LRP1: variants seen among roughly 807,000 people sequenced by gnomAD.
LRP1 encodes LDL receptor related protein 1, also known as prolow-density lipoprotein receptor-related protein 1.
Under a neutral mutation model 541.5 loss-of-function variants are expected in LRP1, and 51 were observed. That is an observed-to-expected ratio of 0.09 (90% CI 0.08 to 0.12). The LOEUF is 0.12. Among genes scored for constraint, LRP1 ranks in the 10% least tolerant of loss-of-function variants. The pLI, the probability that LRP1 is intolerant of heterozygous loss-of-function variation, is 1.00. For synonymous variants in LRP1, 2,219 were observed against 2,470.8 expected, an observed-to-expected ratio of 0.90 and a Z score of 3.02; for missense variants, 3,878 against 6,376.2, an observed-to-expected ratio of 0.61 and a Z score of 13.34.
At position 57,156,302 on chromosome 12, in the gene LRP1, C is replaced by A; in HGVS notation, c.1417+19C>A. On this transcript the variant is annotated intron_variant, in intron 9 of 88. Transcript: ENST00000243077. The surrounding 1 kb of genome is among the most constrained non-coding windows in gnomAD (Gnocchi z 5.2). ...CCCCGAGGTGAGCAGGGCTCCATGG[C>A]CCCTCCAAAGCTGGCTTTACCCCAT... 1 of 1,612,110 alleles carries A rather than the reference C, an allele frequency of 6.2e-7. No homozygotes were observed. The highest frequency in any genetic ancestry group is 8.5e-7 in the Non-Finnish European group (1 of 1,178,990).
In LRP1 at chr12:57,196,104, T is replaced by C. The variant is rs777954634; in HGVS notation, c.8719T>C (p.Ser2907Pro). The C allele has an allele frequency of 5.0e-6, 8 of 1,605,840 alleles. No individual in the cohort carries two copies. The Admixed American group carries it at 1.0e-4, about 20-fold the overall frequency. The change falls in exon 55 of 89, where the codon TCG becomes CCG. Residue 2907 changes from serine to proline, a missense_variant. Transcript: ENST00000243077. ...CTSQEHKCNA[S>P]SQFLCSSGRC... ...CTCCGCAGAGCACAAGTGCAATGCC[T>C]CGTCACAGTTCCTGTGCAGCAGTGG...
At position 57,173,697 on chromosome 12, in the gene LRP1, G is replaced by T; in HGVS notation, c.3347-83G>T. The T allele has an allele frequency of 6.9e-7, 1 of 1,459,334 alleles. No homozygotes were observed. The highest frequency in any genetic ancestry group is 1.2e-5 in the South Asian group (1 of 86,904). 90.4% of individuals were successfully genotyped at this position (1,459,334 alleles called of 1,614,324 possible). On this transcript the variant is annotated intron_variant, in intron 21 of 88. Transcript: ENST00000243077. This position sits in a 1 kb window ranked among gnomAD's most constrained non-coding sequence, Gnocchi z 4.7. ...CAGCGTTGCAATCCTGACCCTATTA[G>T]AGAAGCCCACAGGGTCTGGAAGGAA... is the stretch of plus-strand genomic sequence containing the variant.
rs2035719062 is a variant in LRP1 at position 57,160,980 on chromosome 12, A to C, written c.2067A>C (p.Arg689=). 6.2e-7 allele frequency: 1 copy of C among 1,613,850 alleles called. No individual in the cohort carries two copies. The highest frequency in any genetic ancestry group is 1.1e-5 in the South Asian group (1 of 91,082). ...LERAWMDGSH[R]DIFVTSKTVL... ...GGGCGTGGATGGATGGCTCACACCG[A>C]GACATCTTTGTCACCTCCAAGACAG... is the stretch of plus-strand genomic sequence containing the variant. Residue 689 remains arginine, a synonymous_variant, in exon 13 of 89, where the codon CGA becomes CGC. Coordinates refer to ENST00000243077, the MANE Select transcript of LRP1 (RefSeq NM_002332.3).
chr12:57,184,679 T>A lies in LRP1; in HGVS notation c.6187-160T>A, dbSNP rs765465773. ...GGAGAGATGCCTGGAGGTCACCTTA[T>A]CAGCAGGGCAGTGGGCAGGAGTGTA... On this transcript the variant is annotated intron_variant, in intron 38 of 88. Transcript: ENST00000243077. The surrounding 1 kb of genome is among the most constrained non-coding windows in gnomAD (Gnocchi z 7.8). 3.3e-5 allele frequency among the ~76,000 whole-genome samples: 5 copies of A among 151,810 alleles called. No individual in the cohort carries two copies. Among genetic ancestry groups the A allele is most frequent in the Non-Finnish European group, 7.4e-5 (5 of 67,938 alleles).
At chr12:57,161,942 A>G (rs958481794) in intron 13 of LRP1, among the ~76,000 whole-genome samples, 1 of 152,120 alleles carries the variant, frequency 6.6e-6, no homozygotes, top group African/African-American at 2.4e-5. Flanking sequence ...GAAGAAATGA[A>G]TGGATGAATA....
chr12:57,150,054 T>C, intron 6 of LRP1: 1 of 387,512 alleles, frequency 2.6e-6, no homozygotes, highest in Non-Finnish European at 4.7e-6. Flanking sequence ...GTTCAATGGA[T>C]CAATACATGT....
intron 44 of LRP1, among the ~76,000 whole-genome samples, chr12:57,191,861 T>TCACATGCACACACACATAC (rs1471321406): frequency 2.3e-4 from 2 of 8,632 alleles, no homozygotes; most frequent in South Asian, 4.0e-3. Flanking sequence ...ACACACCACA[T>TCACATGCACACACACATAC]ACACACCACA....
At chr12:57,134,704 TTTC>T (rs2035117469) in intron 1 of LRP1, among the ~76,000 whole-genome samples, 1 of 151,780 alleles carries the variant, frequency 6.6e-6, no homozygotes, top group Non-Finnish European at 1.5e-5. Context: ...CCTTTCTTTC[TTTC>T]TTTTTTTTTT....
In LRP1 at chr12:57,179,904, G is replaced by C; in HGVS notation, c.5089G>C (p.Val1697Leu). ...GCTGGATGGCTCCTTCAAGAACGCAGTGGTGCAGGGCCTGGAGCAGCCCCA... is the reference window on the plus strand; with the variant it reads ...GCTGGATGGCTCCTTCAAGAACGCACTGGTGCAGGGCCTGGAGCAGCCCCA... ...ARLDGSFKNA[V>L]VQGLEQPHGL... The change falls in exon 30 of 89, where the codon GTG (valine) becomes CTG (leucine). Residue 1697 changes from valine to leucine, a missense_variant. By Grantham distance (32) the Val-to-Leu change is conservative. Coordinates refer to ENST00000243077, the MANE Select transcript of LRP1 (RefSeq NM_002332.3). The surrounding 1 kb of genome is among the most constrained non-coding windows in gnomAD (Gnocchi z 6.8). The C allele has an allele frequency of 6.2e-7, 1 of 1,614,156 alleles. No individual in the cohort carries two copies. The highest frequency in any genetic ancestry group is 8.5e-7 in the Non-Finnish European group (1 of 1,180,040).
At position 57,177,254 on chromosome 12, in the gene LRP1, C is replaced by G. The variant is rs770867299; in HGVS notation, c.4196+9C>G. On this transcript the variant is annotated intron_variant, in intron 25 of 88. Transcript: ENST00000243077. The surrounding 1 kb of genome is among the most constrained non-coding windows in gnomAD (Gnocchi z 6.8). ...CTGGATCCCCGGGATGGGTGAGGACCTTGCCCAGCCTTCTCCTGGCCCCAT... is the reference window on the plus strand; with the variant it reads ...CTGGATCCCCGGGATGGGTGAGGACGTTGCCCAGCCTTCTCCTGGCCCCAT... The G allele has an allele frequency of 6.2e-7, 1 of 1,612,474 alleles. No individual in the cohort carries two copies. Among genetic ancestry groups the G allele is most frequent in the Non-Finnish European group, 8.5e-7 (1 of 1,178,730 alleles).
At chr12:57,136,798 C>G (rs1334612215) in intron 1 of LRP1, among the ~76,000 whole-genome samples, 1 of 152,046 alleles carries the variant, frequency 6.6e-6, no homozygotes, top group Non-Finnish European at 1.5e-5. Flanking sequence ...GCTATTTGAC[C>G]CTGGCCAAGT....
At chr12:57,210,267 T>C in intron 81 of LRP1, 40 bp from the exon 82 acceptor site, 1 of 1,548,520 alleles carries the variant, frequency 6.5e-7, no homozygotes, top group Non-Finnish European at 8.7e-7. Context: ...CCTCTCCTCC[T>C]ATTCCCCTGG....
chr12:57,198,894 GTA>G (rs1298937152), intron 60 of LRP1, among the ~76,000 whole-genome samples: 1 of 152,200 alleles, frequency 6.6e-6, no homozygotes, highest in Non-Finnish European at 1.5e-5. Flanking sequence ...CCCTTCCCTT[GTA>G]TACACAGTTC....
chr12:57,175,431 G>A (rs1739167436), intron 22 of LRP1, 29 bp from the exon 23 acceptor site: 1 of 1,610,060 alleles, frequency 6.2e-7, no homozygotes, highest in Admixed American at 1.7e-5. Context: ...TCTGACCCTG[G>A]GTCTGTTCCA....
At chr12:57,187,173 C>A in intron 41 of LRP1, 94 bp from the exon 42 acceptor site, 1 of 1,334,586 alleles carries the variant, frequency 7.5e-7, no homozygotes, top group South Asian at 1.4e-5. Context: ...GCCTTCCAGC[C>A]AGGAGAGCAC....
intron 1 of LRP1, 55 bp downstream of exon 1, chr12:57,129,086 C>G (rs1246275294): frequency 6.6e-7 from 1 of 1,511,422 alleles, no homozygotes; most frequent in Non-Finnish European, 9.0e-7. Flanking sequence ...CTCCCCAGCC[C>G]CCACTCCTGC....
chr12:57,199,137 TGAG>T (rs1321216523), intron 60 of LRP1, 72 bp from the exon 61 acceptor site: 1 of 1,398,908 alleles, frequency 7.1e-7, no homozygotes, highest in Non-Finnish European at 1.0e-6. Flanking sequence ...TGGTAGGGCT[TGAG>T]GAGGTGGAGT....
rs1366232155 is a variant in LRP1 at position 57,195,419 on chromosome 12, G to A, written c.8437+20G>A. 4 of 1,599,946 alleles carry A rather than the reference G, an allele frequency of 2.5e-6. No individual in the cohort carries two copies. The highest frequency in any genetic ancestry group is 3.4e-6 in the Non-Finnish European group (4 of 1,177,930). Reference sequence around the variant, plus strand: ...GTTGCTGTGAGTGGCGGGGCCACGTGGAGCGGGTGGACAGCAAATGGCCAC... The same window carrying A: ...GTTGCTGTGAGTGGCGGGGCCACGTAGAGCGGGTGGACAGCAAATGGCCAC... On this transcript the variant is annotated intron_variant, in intron 52 of 88. Transcript: ENST00000243077.
chr12:57,160,917 G>A lies in LRP1; in HGVS notation c.2004G>A (p.Glu668=), dbSNP rs2035716694. 6.2e-7 allele frequency: 1 copy of A among 1,613,780 alleles called. No homozygotes were observed. The highest frequency in any genetic ancestry group is 8.5e-7 in the Non-Finnish European group (1 of 1,180,014). The change falls in exon 13 of 89, where the codon GAG becomes GAA. Residue 668 remains glutamate, a synonymous_variant. Coordinates refer to ENST00000243077, the MANE Select transcript of LRP1 (RefSeq NM_002332.3). ...GGTGGATGTACTGGACAGACTGGGAGGAGGACCCCAAGGACAGTCGGCGTG... is the reference window on the plus strand; with the variant it reads ...GGTGGATGTACTGGACAGACTGGGAAGAGGACCCCAAGGACAGTCGGCGTG... ...LNGWMYWTDW[E]EDPKDSRRGR... is the part of the protein sequence containing the mutation.
Sources: gnomAD v4.1 joint callset for allele counts (sites outside exome capture counted in the v4.1 genomes callset) on GRCh38, gnomAD v4.1.1 for gene constraint, Gnocchi (gnomAD v3.1) non-coding constraint, MANE v1.5 for transcripts, NCBI Gene and HGNC (gene_info 2026-07-23, HGNC 2026-07-21) for gene names.